The following ECT2L variants were observed in gnomAD, a reference collection of about 807,000 sequenced individuals.
The protein encoded by ECT2L is epithelial cell transforming 2 like, also known as epithelial cell-transforming sequence 2 oncogene-like.
Under a neutral mutation model 122.8 loss-of-function variants are expected in ECT2L, and 126 were observed. The ratio of observed to expected loss-of-function variants is 1.03; its 90% CI spans 0.89 to 1.19. The LOEUF is 1.19. ECT2L is among the 50% of genes most tolerant of loss of function. ECT2L has a pLI of 0.00. For missense variants in ECT2L, 1,012 were observed against 1,064.1 expected (o/e 0.95, Z 0.68); for synonymous variants, 385 against 381.8 (o/e 1.01, Z -0.10).
At chr6:138,844,910 G>A (rs548928690) in intron 7 of ECT2L, among the ~76,000 whole-genome samples, 1 of 150,198 alleles carries the variant, frequency 6.7e-6, no homozygotes, top group South Asian at 2.1e-4. Context: ...TTACAGGCAT[G>A]TGCCACTGAG....
intron 10 of ECT2L, among the ~76,000 whole-genome samples, chr6:138,855,689 G>C (rs1394794736): frequency 1.3e-5 from 2 of 152,190 alleles, no homozygotes; most frequent in Admixed American, 1.3e-4. Flanking sequence ...GCATATGTGT[G>C]AGGTGGTGTA....
At chr6:138,885,609 T>TG in intron 17 of ECT2L, 30 bp downstream of exon 17, 1 of 1,613,600 alleles carries the variant, frequency 6.2e-7, no homozygotes, top group Non-Finnish European at 8.5e-7. Context: ...ACAGCAGGGG[T>TG]CCCCCCAGAG....
intron 10 of ECT2L, among the ~76,000 whole-genome samples, chr6:138,861,515 G>A (rs1198026496): frequency 2.0e-5 from 3 of 152,234 alleles, no homozygotes; most frequent in Middle Eastern, 3.4e-3. Flanking sequence ...TTTGACGGCC[G>A]CATAAATGTC....
chr6:138,890,134 T>C (rs1778966843), intron 20 of ECT2L, among the ~76,000 whole-genome samples: 1 of 152,136 alleles, frequency 6.6e-6, no homozygotes, highest in South Asian at 2.1e-4. Flanking sequence ...AAAATAGAAA[T>C]AAAATAAATA....
At chr6:138,885,022 CTTTTTTTTT>C (rs34579502) in intron 16 of ECT2L, among the ~76,000 whole-genome samples, 5 of 78,850 alleles carry the variant, frequency 6.3e-5, no homozygotes, top group African/African-American at 1.9e-4. Context: ...AACACACATT[CTTTTTTTTT>C]TTTTTTTTTT....
intron 4 of ECT2L, among the ~76,000 whole-genome samples, chr6:138,819,207 AT>A (rs1400417182): frequency 6.8e-6 from 1 of 147,620 alleles, no homozygotes; most frequent in Non-Finnish European, 1.5e-5. Flanking sequence ...TGCAATTGGG[AT>A]GGTTTTTAGA....
chr6:138,878,694 G>A (rs575654412), intron 14 of ECT2L, among the ~76,000 whole-genome samples: 6 of 152,124 alleles, frequency 3.9e-5, no homozygotes, highest in African/African-American at 7.2e-5. Context: ...TGATCCACCC[G>A]CCTCAGCCTC....
intron 12 of ECT2L, 69 bp from the exon 13 acceptor site, chr6:138,868,028 GAGGACT>G (rs1778113329): frequency 1.6e-6 from 1 of 631,156 alleles, no homozygotes; most frequent in Non-Finnish European, 2.5e-6. Flanking sequence ...AAGAAACTGT[GAGGACT>G]GAGTTGTTGT....
chr6:138,839,865 T>A (rs926900987), intron 5 of ECT2L, among the ~76,000 whole-genome samples: 2 of 152,212 alleles, frequency 1.3e-5, no homozygotes, highest in African/African-American at 4.8e-5. Context: ...ACATATAGCC[T>A]TGAATTAATA....
intron 2 of ECT2L, 62 bp downstream of exon 2, chr6:138,813,039 C>T (rs555772773): frequency 5.1e-5 from 19 of 374,824 alleles, no homozygotes; most frequent in African/African-American, 3.9e-4. Flanking sequence ...ATTTGTATGG[C>T]TTATCATATA....
At chr6:138,841,357 T>C (rs1312654254) in intron 5 of ECT2L, among the ~76,000 whole-genome samples, 1 of 152,228 alleles carries the variant, frequency 6.6e-6, no homozygotes, top group Non-Finnish European at 1.5e-5. Context: ...TGATGTTTTC[T>C]TCCTCCAGAG....
chr6:138,875,703 T>C (rs1368958569), intron 13 of ECT2L, among the ~76,000 whole-genome samples: 1 of 152,244 alleles, frequency 6.6e-6, no homozygotes, highest in Non-Finnish European at 1.5e-5. Flanking sequence ...GAACTGTTTA[T>C]GACACATTTT....
intron 4 of ECT2L, among the ~76,000 whole-genome samples, chr6:138,817,966 T>C (rs1354502079): frequency 6.6e-6 from 1 of 152,224 alleles, no homozygotes; most frequent in Non-Finnish European, 1.5e-5. Flanking sequence ...TAAAGGAAAC[T>C]GGGCTGCTTG....
intron 4 of ECT2L, among the ~76,000 whole-genome samples, chr6:138,818,972 G>C (rs1272152849): frequency 3.3e-5 from 5 of 152,140 alleles, no homozygotes; most frequent in African/African-American, 9.7e-5. Context: ...TCAGAAGCTT[G>C]ACTAAAGTTT....
chr6:138,842,934 C>T, intron 5 of ECT2L, 45 bp from the exon 6 acceptor site: 6 of 1,404,106 alleles, frequency 4.3e-6, no homozygotes, highest in Non-Finnish European at 4.7e-6. Context: ...TGCTAGAAAA[C>T]TGTCTGAAAA....
At chr6:138,838,742 T>C (rs1776933455) in intron 5 of ECT2L, among the ~76,000 whole-genome samples, 1 of 152,242 alleles carries the variant, frequency 6.6e-6, no homozygotes, top group Non-Finnish European at 1.5e-5. Flanking sequence ...AATCTTTAAA[T>C]ACTCAGTATA....
chr6:138,820,960 G>T (rs972560366), intron 4 of ECT2L, among the ~76,000 whole-genome samples: 2 of 152,202 alleles, frequency 1.3e-5, no homozygotes, highest in Non-Finnish European at 2.9e-5. Flanking sequence ...TAGAGATTTT[G>T]GCTCAACGCA....
intron 4 of ECT2L, among the ~76,000 whole-genome samples, chr6:138,822,079 G>C (rs1467249973): frequency 2.0e-5 from 3 of 152,226 alleles, no homozygotes; most frequent in Admixed American, 6.5e-5. Context: ...AAATTTGTTA[G>C]AGCAGCAACA....
chr6:138,808,062 A>G (rs558507924), intron 1 of ECT2L, among the ~76,000 whole-genome samples: 3 of 151,028 alleles, frequency 2.0e-5, no homozygotes, highest in East Asian at 3.9e-4. Context: ...AGCCATGCAC[A>G]CACACACACA....
Sources: gnomAD v4.1 joint callset for allele counts (sites outside exome capture counted in the v4.1 genomes callset) on GRCh38, gnomAD v4.1.1 for gene constraint, MANE v1.5 for transcripts, NCBI Gene and HGNC (gene_info 2026-07-23, HGNC 2026-07-21) for gene names.